Variants in CFAP299 observed in about 807,000 individuals in gnomAD.
CFAP299 encodes the protein cilia and flagella associated protein 299, also known as cilia- and flagella-associated protein 299.
A neutral mutation model predicts 27.0 loss-of-function variants in CFAP299; 21 were observed. That is an observed-to-expected ratio of 0.78 (90% confidence interval 0.55 to 1.12). The LOEUF is 1.12. CFAP299 is among the 50% of genes most tolerant of loss of function. The probability of loss-of-function intolerance (pLI) is 0.00; values close to 1 mark genes in which losing one functional copy is unlikely to be tolerated. For synonymous variants in CFAP299, 104 were observed against 98.1 expected, an observed-to-expected ratio of 1.06 and a Z score of -0.36; for missense variants, 310 against 276.6, an observed-to-expected ratio of 1.12 and a Z score of -0.86.
chr4:80,939,165 A>G (rs1335138119), intron 4 of CFAP299, among the ~76,000 whole-genome samples: 1 of 152,202 alleles, frequency 6.6e-6, no homozygotes, highest in African/African-American at 2.4e-5. Flanking sequence ...ACTGATGTTT[A>G]GCCTATTTGG....
chr4:80,386,469 C>G, intron 2 of CFAP299: 1 of 1,538,998 alleles, frequency 6.5e-7, no homozygotes, highest in East Asian at 2.3e-5. Context: ...GCGCCCACCA[C>G]TGCCGCCACG....
At chr4:80,731,412 C>T (rs183587437) in intron 3 of CFAP299, among the ~76,000 whole-genome samples, 3 of 152,152 alleles carry the variant, frequency 2.0e-5, no homozygotes, top group Admixed American at 6.5e-5. Flanking sequence ...GGCATGCATG[C>T]GGAAATGCCC....
intron 3 of CFAP299, among the ~76,000 whole-genome samples, chr4:80,588,866 GA>G (rs1392985819): frequency 6.6e-6 from 1 of 152,124 alleles, no homozygotes; most frequent in Non-Finnish European, 1.5e-5. Flanking sequence ...CTACATATAT[GA>G]AATAGGCATT....
At chr4:80,677,684 A>G (rs1367360364) in intron 3 of CFAP299, among the ~76,000 whole-genome samples, 1 of 152,080 alleles carries the variant, frequency 6.6e-6, no homozygotes, top group Non-Finnish European at 1.5e-5. Flanking sequence ...TCTAGTGCAA[A>G]CTTATGAGGA....
At chr4:80,818,800 G>C (rs1729553307) in intron 3 of CFAP299, among the ~76,000 whole-genome samples, 1 of 152,120 alleles carries the variant, frequency 6.6e-6, no homozygotes, top group South Asian at 2.1e-4. Flanking sequence ...CCATGCAAAT[G>C]TACTATTTAT....
intron 4 of CFAP299, chr4:80,871,341 A>G: frequency 1.0e-6 from 1 of 985,156 alleles, no homozygotes; most frequent in Non-Finnish European, 1.2e-6. Flanking sequence ...CTAACATTCC[A>G]AAGTCAATCG....
chr4:80,605,055 C>T (rs1233705609), intron 3 of CFAP299, among the ~76,000 whole-genome samples: 1 of 151,958 alleles, frequency 6.6e-6, no homozygotes, highest in East Asian at 1.9e-4. Flanking sequence ...AATGGGGGCT[C>T]ACAAGGTAAG....
rs141729927 is a variant in CFAP299 at position 80,738,592 on chromosome 4, A to G, written c.334-131401A>G. ...TTCCTCTGACATGGAATATTTTTTT[A>G]GATCCCTTGTTTTCATTCTGTGAAC... On this transcript the variant is annotated intron_variant, in intron 3 of 5. Transcript: ENST00000358105. 2.0e-5 allele frequency among the ~76,000 whole-genome samples: 3 copies of G among 150,046 alleles called. No homozygotes were observed. The East Asian group carries it at 5.9e-4, about 29-fold the overall frequency.
At chr4:80,422,016 C>T (rs1414040242) in intron 2 of CFAP299, among the ~76,000 whole-genome samples, 2 of 152,014 alleles carry the variant, frequency 1.3e-5, no homozygotes, top group Admixed American at 1.3e-4. Context: ...TTTATTTTCC[C>T]ACCATCTTCA....
At chr4:80,437,070 C>T (rs146743249) in intron 2 of CFAP299, among the ~76,000 whole-genome samples, 179 of 152,186 alleles carry the variant, frequency 1.2e-3, no homozygotes, top group African/African-American at 4.1e-3. Context: ...GCCAGGGTAT[C>T]GATATTGCTT....
At position 80,596,699 on chromosome 4, in the gene CFAP299, A is replaced by G. The variant is rs1560646421; in HGVS notation, c.333+13516A>G. Among the ~76,000 whole-genome samples the G allele has an allele frequency of 2.0e-5, 3 of 152,180 alleles. No individual in the cohort carries two copies. In the South Asian group the frequency reaches 6.2e-4, roughly 31 times the overall value. On this transcript the variant is annotated intron_variant, in intron 3 of 5. Coordinates refer to ENST00000358105, the MANE Select transcript of CFAP299 (RefSeq NM_152770.3). ...AACCATTTGATCACTACCCAGAATA[A>G]GAAAAAGAACATTACTGATACCAAA...
chr4:80,324,427 A>G, the CFAP299 span, among the ~76,000 whole-genome samples: 18 of 152,252 alleles, frequency 1.2e-4, no homozygotes, highest in Non-Finnish European at 2.2e-4. Flanking sequence ...TCGTAAAACT[A>G]CATAGTAAAA....
At chr4:80,807,329 T>A (rs1232641541) in intron 3 of CFAP299, among the ~76,000 whole-genome samples, 5 of 152,078 alleles carry the variant, frequency 3.3e-5, no homozygotes, top group African/African-American at 1.2e-4. Flanking sequence ...TGTACAACCA[T>A]TTCATGAATC....
chr4:80,338,735 G>A (rs1363655743), intron 1 of CFAP299, among the ~76,000 whole-genome samples: 1 of 152,144 alleles, frequency 6.6e-6, no homozygotes, highest in Non-Finnish European at 1.5e-5. Flanking sequence ...TTCTAGACTT[G>A]ACCTCAGAAA....
At chr4:80,426,242 T>C (rs1299002225) in intron 2 of CFAP299, among the ~76,000 whole-genome samples, 1 of 152,102 alleles carries the variant, frequency 6.6e-6, no homozygotes, top group East Asian at 1.9e-4. Context: ...CAGTTGTTTT[T>C]TGAAGGGAAC....
intron 3 of CFAP299, among the ~76,000 whole-genome samples, chr4:80,834,991 G>A (rs1560435854): frequency 6.6e-6 from 1 of 152,118 alleles, no homozygotes; most frequent in Non-Finnish European, 1.5e-5. Flanking sequence ...TTGTATTAAA[G>A]TCTAATATTC....
intron 2 of CFAP299, among the ~76,000 whole-genome samples, chr4:80,451,295 T>A (rs937896254): frequency 6.6e-6 from 1 of 152,190 alleles, no homozygotes; most frequent in Admixed American, 6.5e-5. Context: ...GTTATGAGAA[T>A]ACCAGTCAGA....
intron 3 of CFAP299, chr4:80,608,451 A>C (rs1430594719): frequency 1.1e-6 from 1 of 901,732 alleles, no homozygotes; most frequent in Non-Finnish European, 1.7e-6. Context: ...TCCTACATAT[A>C]TACTCCACTC....
intron 2 of CFAP299, among the ~76,000 whole-genome samples, chr4:80,468,950 G>C (rs1366450760): frequency 6.6e-6 from 1 of 151,880 alleles, no homozygotes; most frequent in Middle Eastern, 3.4e-3. Flanking sequence ...GGGTCTCCTG[G>C]CTCCTCCTCT....
Sources: gnomAD v4.1 joint callset for allele counts (sites outside exome capture counted in the v4.1 genomes callset) on GRCh38, gnomAD v4.1.1 for gene constraint, MANE v1.5 for transcripts, NCBI Gene and HGNC (gene_info 2026-07-23, HGNC 2026-07-21) for gene names.